Variants in LRRC8C observed in about 807,000 individuals in gnomAD.
LRRC8C encodes the protein leucine rich repeat containing 8 VRAC subunit C.
In LRRC8C, 20 loss-of-function variants were observed where a neutral mutation model predicts 55.3. That is an observed-to-expected ratio of 0.36 (90% confidence interval 0.25 to 0.53). The LOEUF is 0.53. LRRC8C is among the 20% of genes least tolerant of loss of function. The pLI, the probability that LRRC8C is intolerant of heterozygous loss-of-function variation, is 0.92. For synonymous variants in LRRC8C, 376 were observed against 360.7 expected (o/e 1.04, Z -0.48); for missense variants, 659 against 951.4 (o/e 0.69, Z 4.04).
intron 2 of LRRC8C, among the ~76,000 whole-genome samples, chr1:89,707,763 G>A (rs1658526283): frequency 6.6e-6 from 1 of 151,980 alleles, no homozygotes; most frequent in African/African-American, 2.4e-5. Context: ...GCCACCTGCT[G>A]TATGGCTTGA....
At position 89,687,395 on chromosome 1, in the gene LRRC8C, A is replaced by C. The variant is rs1420561153; in HGVS notation, c.138+784A>C. Among the ~76,000 whole-genome samples the C allele has an allele frequency of 3.3e-5, 5 of 152,232 alleles. No individual in the cohort carries two copies. The East Asian group carries it at 9.6e-4, about 29-fold the overall frequency. On this transcript the variant is annotated intron_variant, in intron 2 of 2. Coordinates refer to ENST00000370454, the MANE Select transcript of LRRC8C (RefSeq NM_032270.5). Reference sequence around the variant, plus strand: ...CTTAGCTGAAAGTAAGAGGACACCAAGAGGAGAAAAGAAAGCTCTGAGTCA... The same window carrying C: ...CTTAGCTGAAAGTAAGAGGACACCACGAGGAGAAAAGAAAGCTCTGAGTCA...
intron 1 of LRRC8C, among the ~76,000 whole-genome samples, chr1:89,674,488 A>C (rs995030152): frequency 4.6e-5 from 7 of 152,182 alleles, no homozygotes; most frequent in African/African-American, 1.7e-4. Flanking sequence ...CCCAGCAATT[A>C]TTTCTCCTTT....
At chr1:89,680,246 T>G (rs1657663333) in intron 1 of LRRC8C, among the ~76,000 whole-genome samples, 1 of 151,866 alleles carries the variant, frequency 6.6e-6, no homozygotes, top group Non-Finnish European at 1.5e-5. Flanking sequence ...CCCGGCTAAT[T>G]TTTTGTATTT....
the LRRC8C span, among the ~76,000 whole-genome samples, chr1:89,622,726 G>A: frequency 6.6e-6 from 1 of 152,146 alleles, no homozygotes; most frequent in African/African-American, 2.4e-5. Context: ...AATCACTGCA[G>A]CAAGTTGTCA....
chr1:89,627,662 G>T, the LRRC8C span, among the ~76,000 whole-genome samples: 1 of 152,306 alleles, frequency 6.6e-6, no homozygotes, highest in Non-Finnish European at 1.5e-5. Flanking sequence ...GAGTAAGCAT[G>T]AGAACCCTGA....
chr1:89,626,292 T>C, the LRRC8C span: 1 of 152,254 alleles, frequency 6.6e-6, no homozygotes, highest in East Asian at 1.9e-4. Context: ...TCAATACTTT[T>C]AGCCACCAAA....
At chr1:89,626,439 T>TC in the LRRC8C span, 1 of 152,136 alleles carries the variant, frequency 6.6e-6, no homozygotes, top group African/African-American at 2.4e-5. Flanking sequence ...CAAGACTGCT[T>TC]CCCCATCCCC....
the LRRC8C span, among the ~76,000 whole-genome samples, chr1:89,627,245 A>G: frequency 6.6e-6 from 1 of 151,966 alleles, no homozygotes; most frequent in Non-Finnish European, 1.5e-5. Flanking sequence ...TAGAAGCTGT[A>G]AGCCAGGAAC....
At chr1:89,682,736 A>G (rs185936840) in intron 1 of LRRC8C, among the ~76,000 whole-genome samples, 1 of 152,340 alleles carries the variant, frequency 6.6e-6, no homozygotes, top group East Asian at 1.9e-4. Flanking sequence ...AGTAAAAATT[A>G]CTGTTTTAAT....
intron 1 of LRRC8C, among the ~76,000 whole-genome samples, chr1:89,643,251 C>T (rs1273853922): frequency 6.6e-6 from 1 of 152,174 alleles, no homozygotes; most frequent in Non-Finnish European, 1.5e-5. Context: ...GCCACCACAC[C>T]CAGCTATTTT....
chr1:89,664,479 C>G (rs1657203131), intron 1 of LRRC8C, among the ~76,000 whole-genome samples: 3 of 152,128 alleles, frequency 2.0e-5, no homozygotes, highest in South Asian at 2.1e-4. Flanking sequence ...TCTGAGGCCT[C>G]TATTCTGTTC....
the LRRC8C span, among the ~76,000 whole-genome samples, chr1:89,621,276 T>G: frequency 7.1e-6 from 1 of 141,214 alleles, no homozygotes; most frequent in East Asian, 2.1e-4. Flanking sequence ...CTGGCTAACA[T>G]GGTGAAACCC....
chr1:89,702,809 T>A (rs1658370562), intron 2 of LRRC8C, among the ~76,000 whole-genome samples: 1 of 152,122 alleles, frequency 6.6e-6, no homozygotes, highest in Non-Finnish European at 1.5e-5. Flanking sequence ...AGAGCTGATA[T>A]AACAAATTTA....
At chr1:89,660,739 C>G (rs1212568551) in intron 1 of LRRC8C, among the ~76,000 whole-genome samples, 1 of 152,190 alleles carries the variant, frequency 6.6e-6, no homozygotes, top group Non-Finnish European at 1.5e-5. Flanking sequence ...CCTTTCTCAT[C>G]CAGCACCCTG....
At chr1:89,707,232 C>A (rs1327262896) in intron 2 of LRRC8C, among the ~76,000 whole-genome samples, 1 of 151,960 alleles carries the variant, frequency 6.6e-6, no homozygotes, top group Non-Finnish European at 1.5e-5. Context: ...TATAGTGAAA[C>A]CGCATCTCTA....
chr1:89,625,379 T>C, the LRRC8C span, among the ~76,000 whole-genome samples: 95 of 152,316 alleles, frequency 6.2e-4, 1 homozygote, highest in East Asian at 2.3e-3. Flanking sequence ...GAAATATGAC[T>C]GGAATCCAGG....
rs188789069 is a variant in LRRC8C, at chr1:89,707,805, G to A, written c.139-4904G>A. ...TTTCTTCTTCCCTTCTAACCTGTCC[G>A]TGCTCTCCTGATTCACCTCCTCCTA... On this transcript the variant is annotated intron_variant, in intron 2 of 2. Transcript: ENST00000370454. Among the ~76,000 whole-genome samples the A allele has an allele frequency of 2.2e-4, 33 of 151,968 alleles. 1 individual carries two copies. The highest frequency in any genetic ancestry group is 3.2e-4 in the Non-Finnish European group (22 of 67,998).
At chr1:89,644,068 C>A (rs574885402) in intron 1 of LRRC8C, among the ~76,000 whole-genome samples, 1 of 152,216 alleles carries the variant, frequency 6.6e-6, no homozygotes, top group African/African-American at 2.4e-5. Context: ...TATCAAATAC[C>A]TTTCAAAAAA....
intron 1 of LRRC8C, among the ~76,000 whole-genome samples, chr1:89,655,829 C>T (rs1172274066): frequency 6.6e-6 from 1 of 152,166 alleles, no homozygotes; most frequent in Non-Finnish European, 1.5e-5. Context: ...TAATACTAAG[C>T]CTGCATCCCA....
Sources: allele counts gnomAD v4.1 joint callset (sites outside exome capture counted in the v4.1 genomes callset), GRCh38; gene constraint gnomAD v4.1.1; transcripts MANE v1.5; gene names NCBI Gene and HGNC (gene_info 2026-07-23, HGNC 2026-07-21).